MAGI1: variants seen among roughly 807,000 people sequenced by gnomAD.
The protein encoded by MAGI1 is membrane-associated guanylate kinase, WW and PDZ domain-containing protein 1.
In MAGI1, 58 loss-of-function variants were observed where a neutral mutation model predicts 139.9. The ratio of observed to expected loss-of-function variants is 0.41; its 90% CI spans 0.34 to 0.52. The LOEUF is 0.52. MAGI1 is among the 20% of genes least tolerant of loss of function. The probability of loss-of-function intolerance (pLI) is 0.12; values close to 1 mark genes in which losing one functional copy is unlikely to be tolerated. For missense variants in MAGI1, 1,874 were observed against 1,901.6 expected, an observed-to-expected ratio of 0.99 and a Z score of 0.27; for synonymous variants, 812 against 737.9, an observed-to-expected ratio of 1.10 and a Z score of -1.63.
At chr3:65,863,490 T>A (rs776255775) in intron 1 of MAGI1, among the ~76,000 whole-genome samples, 1 of 152,214 alleles carries the variant, frequency 6.6e-6, no homozygotes, top group African/African-American at 2.4e-5. Context: ...TTAAGTAGTA[T>A]GCCCAGAAAT....
At chr3:65,993,268 C>G (rs1421076226) in intron 1 of MAGI1, among the ~76,000 whole-genome samples, 1 of 152,082 alleles carries the variant, frequency 6.6e-6, no homozygotes, top group Admixed American at 6.5e-5. Flanking sequence ...ATGGTTTTAC[C>G]AGCAACCCAT....
intron 1 of MAGI1, among the ~76,000 whole-genome samples, chr3:65,762,705 T>A (rs183992383): frequency 6.8e-4 from 58 of 84,714 alleles, no homozygotes; most frequent in African/African-American, 2.7e-3. Flanking sequence ...GTCCTCTACA[T>A]GATTTTCTCA....
At chr3:65,379,107 A>G in intron 17 of MAGI1, 154 bp downstream of exon 17, 6 of 1,486,130 alleles carry the variant, frequency 4.0e-6, no homozygotes, top group Non-Finnish European at 5.4e-6. Context: ...AAGCTACCAA[A>G]TCAACTCCAT....
intron 2 of MAGI1, among the ~76,000 whole-genome samples, chr3:65,604,799 T>C (rs985116128): frequency 5.3e-5 from 8 of 150,592 alleles, no homozygotes; most frequent in African/African-American, 1.7e-4. Flanking sequence ...AAACAGCAAA[T>C]GGGGAATAAA....
chr3:65,789,800 A>T (rs1164149479), intron 1 of MAGI1, among the ~76,000 whole-genome samples: 1 of 151,886 alleles, frequency 6.6e-6, no homozygotes, highest in Non-Finnish European at 1.5e-5. Flanking sequence ...CAAAACAAAA[A>T]CAGAAACAAA....
rs537860397 is a variant in MAGI1 at position 65,633,389 on chromosome 3, G to C, written c.314-11301C>G. Among the ~76,000 whole-genome samples the C allele has an allele frequency of 1.1e-3, 173 of 152,276 alleles. 1 individual carries two copies. Among genetic ancestry groups the C allele is most frequent in the Admixed American group, 4.6e-3 (70 of 15,300 alleles). On this transcript the variant is annotated intron_variant, in intron 1 of 22. Coordinates refer to ENST00000402939, the MANE Select transcript of MAGI1 (RefSeq NM_001033057.2). The stretch of plus-strand genomic sequence containing the variant: ...TACAAACAAAAAAGAAACGTGTGGT[G>C]AGTGTGATGTGAGAGAGAGGCTGCG...
chr3:65,599,361 T>A (rs1021453695), intron 2 of MAGI1, among the ~76,000 whole-genome samples: 1 of 152,156 alleles, frequency 6.6e-6, no homozygotes, highest in Admixed American at 6.5e-5. Flanking sequence ...ATAAATGTTG[T>A]TCCTTCATAT....
intron 1 of MAGI1, among the ~76,000 whole-genome samples, chr3:65,668,441 T>C (rs1411290622): frequency 2.6e-5 from 4 of 152,082 alleles, no homozygotes; most frequent in Non-Finnish European, 5.9e-5. Flanking sequence ...TTCAAAAAGT[T>C]TGTGTAAAAA....
At chr3:65,483,241 G>A (rs1951401771) in intron 3 of MAGI1, among the ~76,000 whole-genome samples, 1 of 152,166 alleles carries the variant, frequency 6.6e-6, no homozygotes, top group East Asian at 1.9e-4. Flanking sequence ...GCTGTGAACT[G>A]CCCTTACCGT....
intron 1 of MAGI1, among the ~76,000 whole-genome samples, chr3:65,749,759 T>G (rs1424511980): frequency 7.1e-6 from 1 of 141,062 alleles, no homozygotes; most frequent in African/African-American, 2.6e-5. Context: ...GTTATGCAAA[T>G]GAGGTTGAGG....
chr3:65,980,067 T>C (rs922780816), intron 1 of MAGI1, among the ~76,000 whole-genome samples: 1 of 152,112 alleles, frequency 6.6e-6, no homozygotes, highest in Non-Finnish European at 1.5e-5. Flanking sequence ...GTGGGACAAG[T>C]GAACAGTGGT....
At chr3:65,812,466 T>TCACA (rs1432887484) in intron 1 of MAGI1, among the ~76,000 whole-genome samples, 4 of 87,662 alleles carry the variant, frequency 4.6e-5, no homozygotes, top group African/African-American at 1.4e-4. Context: ...TCTCTCTCTC[T>TCACA]CTCACACACA....
rs925567342 is a variant in MAGI1 at position 65,873,627 on chromosome 3, G to A, written c.313+164369C>T. 2.0e-5 allele frequency: 3 copies of A among 152,164 alleles called. 1 individual carries two copies. Among genetic ancestry groups the A allele is most frequent in the African/African-American group, 4.8e-5 (2 of 41,438 alleles). The allele number at this position is 152,164 out of a possible 1,614,324, so 9.4% of individuals were successfully genotyped here. A position where few individuals can be genotyped will look rare whatever the true frequency, so the allele number is the denominator to read the frequency against. ...ATTATTACATTATTACACTTTGTGG[G>A]AGAGAAGGACAGCATGTGTAGAGAC... On this transcript the variant is annotated intron_variant, in intron 1 of 22. Coordinates refer to ENST00000402939, the MANE Select transcript of MAGI1 (RefSeq NM_001033057.2).
At chr3:66,037,257 C>T (rs1181994045) in intron 1 of MAGI1, among the ~76,000 whole-genome samples, 1 of 152,164 alleles carries the variant, frequency 6.6e-6, no homozygotes, top group Admixed American at 6.5e-5. Flanking sequence ...TTACACAGAG[C>T]CGGGCATGTA....
At position 65,641,569 on chromosome 3, in the gene MAGI1, T is replaced by A. The variant is rs2084987236; in HGVS notation, c.314-19481A>T. On this transcript the variant is annotated intron_variant, in intron 1 of 22. Transcript: ENST00000402939. ...TCTTCTGTTGATAGAGCATCCTGTA[T>A]AATCTCCTAAGATGAAGTGCCCTTA... Among the ~76,000 whole-genome samples the A allele has an allele frequency of 3.3e-5, 5 of 152,224 alleles. No homozygotes were observed. The South Asian group carries it at 1.0e-3, about 32-fold the overall frequency.
At chr3:65,739,829 A>T (rs2035105611) in intron 1 of MAGI1, among the ~76,000 whole-genome samples, 1 of 152,212 alleles carries the variant, frequency 6.6e-6, no homozygotes. Context: ...CAACAGTAAC[A>T]TCAGAGATAA....
chr3:65,844,963 T>C (rs888879004), intron 1 of MAGI1, among the ~76,000 whole-genome samples: 2 of 152,124 alleles, frequency 1.3e-5, no homozygotes, highest in Admixed American at 6.5e-5. Context: ...ATTGAAATCC[T>C]TGGGCATAGG....
intron 1 of MAGI1, among the ~76,000 whole-genome samples, chr3:65,690,623 G>A (rs926955186): frequency 2.0e-5 from 3 of 150,362 alleles, no homozygotes; most frequent in East Asian, 1.9e-4. Context: ...ACCATGCCCG[G>A]CTCATTTGTA....
At chr3:65,416,370 G>A (rs1182155005) in intron 12 of MAGI1, among the ~76,000 whole-genome samples, 1 of 152,066 alleles carries the variant, frequency 6.6e-6, no homozygotes. Flanking sequence ...ATGACACAGT[G>A]GAAAAGGACC....
Sources: allele counts gnomAD v4.1 joint callset (sites outside exome capture counted in the v4.1 genomes callset), GRCh38; gene constraint gnomAD v4.1.1; transcripts MANE v1.5; gene names NCBI Gene and HGNC (gene_info 2026-07-23, HGNC 2026-07-21).